Variants in FANK1 observed in about 807,000 individuals in gnomAD.
FANK1 encodes fibronectin type 3 and ankyrin repeat domains protein 1.
In FANK1, 44 loss-of-function variants were observed where a neutral mutation model predicts 45.3. The observed-to-expected ratio is 0.97, with a 90% CI of 0.76 to 1.25. The LOEUF is 1.25. FANK1 is among the 50% of genes most tolerant of loss of function. FANK1 has a pLI of 0.00. For synonymous variants in FANK1, 149 were observed against 152.5 expected, an observed-to-expected ratio of 0.98 and a Z score of 0.17; for missense variants, 391 against 424.4, an observed-to-expected ratio of 0.92 and a Z score of 0.69.
chr10:125,992,621 G>T (rs1179301389), intron 3 of FANK1, among the ~76,000 whole-genome samples: 2 of 151,984 alleles, frequency 1.3e-5, no homozygotes, highest in Non-Finnish European at 2.9e-5. Flanking sequence ...TGCTACAAAC[G>T]GTCCTTAAGC....
At chr10:125,943,123 G>A (rs978622279) in intron 1 of FANK1, among the ~76,000 whole-genome samples, 2 of 152,088 alleles carry the variant, frequency 1.3e-5, no homozygotes, top group African/African-American at 4.8e-5. Flanking sequence ...ATAATTTGCT[G>A]CTTGATGTCA....
intron 6 of FANK1, among the ~76,000 whole-genome samples, chr10:126,001,978 C>T (rs1470592564): frequency 1.3e-5 from 2 of 151,836 alleles, no homozygotes; most frequent in African/African-American, 4.8e-5. Context: ...TTCTAGGTAC[C>T]ATGCCTTACT....
intron 1 of FANK1, among the ~76,000 whole-genome samples, chr10:125,966,690 G>A (rs895177901): frequency 6.6e-6 from 1 of 152,184 alleles, no homozygotes; most frequent in Non-Finnish European, 1.5e-5. Flanking sequence ...ATGCTTTGAA[G>A]CATCCACATT....
At position 126,008,432 on chromosome 10, in the gene FANK1, G is replaced by A. The variant is rs139642438; in HGVS notation, c.731G>A (p.Gly244Glu). The change falls in exon 8 of 11, where the codon GGA becomes GAA. Residue 244 changes from glycine to glutamate, a missense_variant. Physicochemically the swap from Gly to Glu is moderately conservative, Grantham distance 98. Transcript: ENST00000368693. ...CEVDVVDTGS[G>E]WTPLMRVSAV... is the part of the protein sequence containing the mutation. ...GTAGACGTCGTGGACACTGGTTCAG[G>A]ATGGACCCCACTCATGAGAGTCTCT... 634 of 1,612,016 alleles carry A rather than the reference G, an allele frequency of 3.9e-4. No homozygotes were observed. The highest frequency in any genetic ancestry group is 5.0e-4 in the Non-Finnish European group (584 of 1,179,096).
chr10:125,909,459 G>A (rs78655137), intron 1 of FANK1, among the ~76,000 whole-genome samples: 2 of 148,894 alleles, frequency 1.3e-5, no homozygotes, highest in Non-Finnish European at 3.0e-5. Context: ...AATTTCATTC[G>A]GCTTAATTTG....
intron 1 of FANK1, among the ~76,000 whole-genome samples, chr10:125,959,929 G>A (rs572660730): frequency 1.3e-5 from 2 of 152,086 alleles, no homozygotes; most frequent in African/African-American, 4.8e-5. Flanking sequence ...TAAGGTTTTT[G>A]TCTTACATAT....
chr10:125,945,241 G>A (rs1483183124), intron 1 of FANK1, among the ~76,000 whole-genome samples: 3 of 152,194 alleles, frequency 2.0e-5, no homozygotes, highest in Non-Finnish European at 1.5e-5. Context: ...ACAACTGGGG[G>A]GAGGAGCCAA....
At chr10:125,925,990 C>G in intron 1 of FANK1, among the ~76,000 whole-genome samples, 1 of 151,998 alleles carries the variant, frequency 6.6e-6, no homozygotes, top group South Asian at 2.1e-4. Context: ...TTTTTCTTCT[C>G]TAGTCATTTT....
At chr10:125,980,406 T>G in intron 2 of FANK1, 68 bp downstream of exon 2, 2 of 1,508,370 alleles carry the variant, frequency 1.3e-6, no homozygotes, top group Non-Finnish European at 1.8e-6. Context: ...ATTTCTGTTG[T>G]CTCTAAAAAG....
intron 6 of FANK1, among the ~76,000 whole-genome samples, chr10:126,002,185 G>T (rs780422714): frequency 6.6e-6 from 1 of 151,944 alleles, no homozygotes; most frequent in East Asian, 1.9e-4. Context: ...GGTGTTGTAC[G>T]CCTGTAATCC....
At position 126,009,151 on chromosome 10, in the gene FANK1, T is replaced by C. The variant is rs771836710; in HGVS notation, c.927+20T>C. ...AATGAGGTAAATGAGTCCATCTTTA[T>C]GTAAAGATTTTCCTCGGAGGGGGAG... is the stretch of plus-strand genomic sequence containing the variant. On this transcript the variant is annotated intron_variant, in intron 9 of 10. Transcript: ENST00000368693. 5 of 1,614,002 alleles carry C rather than the reference T, an allele frequency of 3.1e-6. No homozygotes were observed. Among genetic ancestry groups the C allele is most frequent in the Non-Finnish European group, 3.4e-6 (4 of 1,179,946 alleles).
At chr10:125,942,109 A>G (rs773920354) in intron 1 of FANK1, among the ~76,000 whole-genome samples, 1 of 152,230 alleles carries the variant, frequency 6.6e-6, no homozygotes, top group Non-Finnish European at 1.5e-5. Flanking sequence ...AAACTAAATA[A>G]GAAATAGCCT....
chr10:125,922,263 G>A (rs1289545969), intron 1 of FANK1, among the ~76,000 whole-genome samples: 1 of 152,166 alleles, frequency 6.6e-6, no homozygotes, highest in African/African-American at 2.4e-5. Flanking sequence ...TCTGTCGTCA[G>A]AGAAAATAAT....
At chr10:125,954,872 G>T (rs1301081681) in intron 1 of FANK1, among the ~76,000 whole-genome samples, 1 of 152,122 alleles carries the variant, frequency 6.6e-6, no homozygotes, top group Non-Finnish European at 1.5e-5. Flanking sequence ...AGCGAGCCAA[G>T]ATTGTGCCAC....
At chr10:125,960,309 G>T in intron 1 of FANK1, 1 of 269,248 alleles carries the variant, frequency 3.7e-6, no homozygotes. Flanking sequence ...TTGCAGCTCT[G>T]CAGCTGCCTG....
At chr10:125,927,570 A>T (rs1410500419) in intron 1 of FANK1, among the ~76,000 whole-genome samples, 45 of 149,306 alleles carry the variant, frequency 3.0e-4, no homozygotes, top group African/African-American at 1.1e-3. Flanking sequence ...TTTTTTTGAG[A>T]TGGAGTCTCA....
intron 1 of FANK1, among the ~76,000 whole-genome samples, chr10:125,939,046 A>G (rs1399757334): frequency 6.6e-6 from 1 of 152,202 alleles, no homozygotes; most frequent in Admixed American, 6.5e-5. Context: ...TGGAAAATAT[A>G]CAGTATCATC....
intron 1 of FANK1, among the ~76,000 whole-genome samples, chr10:125,935,267 G>A (rs914002372): frequency 1.3e-5 from 2 of 152,170 alleles, no homozygotes; most frequent in Non-Finnish European, 2.9e-5. Flanking sequence ...TCTCTGCCCT[G>A]TGGAACTATA....
At chr10:125,935,726 A>T (rs1490098609) in intron 1 of FANK1, among the ~76,000 whole-genome samples, 1 of 152,186 alleles carries the variant, frequency 6.6e-6, no homozygotes, top group Non-Finnish European at 1.5e-5. Flanking sequence ...ATATATTTCT[A>T]TAATATCTTC....
Sources: allele counts gnomAD v4.1 joint callset (sites outside exome capture counted in the v4.1 genomes callset), GRCh38; gene constraint gnomAD v4.1.1; transcripts MANE v1.5; gene names NCBI Gene and HGNC (gene_info 2026-07-23, HGNC 2026-07-21).